The following SYT14 variants were observed in gnomAD, a reference collection of about 807,000 sequenced individuals.
SYT14 encodes synaptotagmin-14.
In SYT14, 32 loss-of-function variants were observed where a neutral mutation model predicts 74.2. The ratio of observed to expected loss-of-function variants is 0.43; its 90% CI spans 0.33 to 0.58. The LOEUF (loss-of-function observed/expected upper bound fraction) is 0.58, where lower values mean the gene tolerates loss of function less well. Among genes scored for constraint, SYT14 ranks in the 20% least tolerant of loss-of-function variants. SYT14 has a pLI of 0.05. For synonymous variants in SYT14, 298 were observed against 337.7 expected, an observed-to-expected ratio of 0.88 and a Z score of 1.29; for missense variants, 791 against 981.8, an observed-to-expected ratio of 0.81 and a Z score of 2.60.
intron 2 of SYT14, among the ~76,000 whole-genome samples, chr1:209,963,073 A>C (rs577031062): frequency 6.6e-6 from 1 of 152,294 alleles, no homozygotes; most frequent in African/African-American, 2.4e-5. Flanking sequence ...GAAATGGAAC[A>C]GAAGTTCATT....
At chr1:210,162,032 A>G (rs1465372667) in exon 10 of SYT14, 2 of 448,932 alleles carry the variant, frequency 4.5e-6, no homozygotes, top group Admixed American at 4.8e-5. Context: ...AGCAGGTAGC[A>G]TTCAAAATAA....
intron 1 of SYT14, among the ~76,000 whole-genome samples, chr1:209,941,953 T>C (rs1273533830): frequency 6.6e-6 from 1 of 152,200 alleles, no homozygotes; most frequent in Non-Finnish European, 1.5e-5. Flanking sequence ...ATACCTACTA[T>C]AATGTAAATG....
At chr1:210,052,603 A>G (rs565658986) in intron 5 of SYT14, among the ~76,000 whole-genome samples, 6 of 143,954 alleles carry the variant, frequency 4.2e-5, no homozygotes, top group Non-Finnish European at 7.5e-5. Flanking sequence ...CGGAGATTGC[A>G]GTGAACTGAG....
intron 2 of SYT14, among the ~76,000 whole-genome samples, chr1:210,002,696 A>G (rs1023129937): frequency 7.9e-5 from 12 of 152,146 alleles, no homozygotes; most frequent in Admixed American, 5.2e-4. Flanking sequence ...TACATAACAA[A>G]GTTGAACACC....
At chr1:210,104,340 C>G (rs972175297) in intron 7 of SYT14, among the ~76,000 whole-genome samples, 1 of 152,182 alleles carries the variant, frequency 6.6e-6, no homozygotes, top group Non-Finnish European at 1.5e-5. Context: ...TTATTCATCC[C>G]TAGTCCTTTA....
At position 210,169,221 on chromosome 1, in the gene SYT14, G is replaced by GTTTTGTTTT. The variant is rs2083492384; in HGVS notation, c.*8183_*8184insGTTTTTTTT. The GTTTTGTTTT allele has an allele frequency of 3.5e-3, 178 of 50,228 alleles. 14 individuals carry two copies. The highest frequency in any genetic ancestry group is 8.2e-3 in the African/African-American group (106 of 12,852). 3.1% of individuals were successfully genotyped at this position (50,228 alleles called of 1,614,324 possible). On this transcript the variant is annotated 3_prime_UTR_variant, in exon 10 of 10. Transcript: ENST00000637265. ...CTTTTTTGGTTTTTATGTTTTTGGT[G>GTTTTGTTTT]TTTTTTTTTTTTTTTTTTTTTTTTT... is the stretch of plus-strand genomic sequence containing the variant.
intron 5 of SYT14, among the ~76,000 whole-genome samples, chr1:210,091,351 A>C (rs1304440064): frequency 1.3e-5 from 2 of 152,256 alleles, no homozygotes; most frequent in Admixed American, 1.3e-4. Context: ...AAGGATTATT[A>C]TATTGAGGAA....
intron 5 of SYT14, among the ~76,000 whole-genome samples, chr1:210,032,834 A>T (rs17318612): frequency 0.23 from 34,319 of 151,710 alleles, 4,160 homozygotes; most frequent in Middle Eastern, 0.3. Flanking sequence ...CATGTTTTCC[A>T]TTCTACTAAT....
chr1:210,014,711 T>C (rs1024023076), intron 3 of SYT14, among the ~76,000 whole-genome samples: 4 of 152,112 alleles, frequency 2.6e-5, no homozygotes, highest in African/African-American at 9.6e-5. Context: ...ATAAATAGTA[T>C]TTTATACAGT....
At chr1:210,009,914 ACCTCAACTCTTCTTCTTTCTTAT>A (rs1401047546) in intron 2 of SYT14, among the ~76,000 whole-genome samples, 26 of 151,782 alleles carry the variant, frequency 1.7e-4, no homozygotes, top group East Asian at 3.9e-4. Context: ...TTTAGAATTA[ACCTCAACTCTTCTTCTTTCTTAT>A]CCTCAACTCT....
intron 2 of SYT14, among the ~76,000 whole-genome samples, chr1:209,976,365 A>G (rs1347668936): frequency 1.4e-5 from 2 of 142,248 alleles, no homozygotes; most frequent in Non-Finnish European, 3.1e-5. Flanking sequence ...CCCTCTCCAC[A>G]CTGCTTTGAA....
chr1:210,069,557 C>T (rs1029532337), intron 5 of SYT14, among the ~76,000 whole-genome samples: 2 of 151,796 alleles, frequency 1.3e-5, no homozygotes, highest in African/African-American at 4.8e-5. Flanking sequence ...ATTTATGTCT[C>T]TTCAGAGAGG....
intron 1 of SYT14, among the ~76,000 whole-genome samples, chr1:209,951,623 C>T (rs927017335): frequency 3.9e-5 from 6 of 152,156 alleles, no homozygotes; most frequent in African/African-American, 7.2e-5. Context: ...AAGGCACGCA[C>T]AGCACACATG....
chr1:210,025,192 C>T (rs913555817), intron 5 of SYT14, among the ~76,000 whole-genome samples: 1 of 152,206 alleles, frequency 6.6e-6, no homozygotes, highest in Non-Finnish European at 1.5e-5. Flanking sequence ...GCGTCTCCAC[C>T]TGGTGGTTGC....
intron 5 of SYT14, among the ~76,000 whole-genome samples, chr1:210,042,511 T>G (rs183513069): frequency 1.3e-5 from 2 of 152,372 alleles, no homozygotes; most frequent in East Asian, 3.9e-4. Context: ...TTTAAATCTT[T>G]AATCCATCTT....
At chr1:210,118,763 C>G (rs2102603071) in intron 7 of SYT14, among the ~76,000 whole-genome samples, 1 of 152,144 alleles carries the variant, frequency 6.6e-6, no homozygotes, top group Middle Eastern at 3.4e-3. Flanking sequence ...ATAGTTGTAT[C>G]CACTGTGTTT....
chr1:210,092,512 C>CA (rs1296154465), intron 5 of SYT14, among the ~76,000 whole-genome samples: 3 of 152,186 alleles, frequency 2.0e-5, no homozygotes, highest in Non-Finnish European at 2.9e-5. Flanking sequence ...GGAGTCAAGT[C>CA]AGTCTGCCAG....
At chr1:210,013,528 AT>A in intron 2 of SYT14, 104 bp from the exon 3 acceptor site, 1 of 1,118,928 alleles carries the variant, frequency 8.9e-7, no homozygotes, top group Non-Finnish European at 1.3e-6. Context: ...ATTAAAAAAT[AT>A]AATTCAAATA....
chr1:210,013,589 A>G lies in SYT14; in HGVS notation c.-485-44A>G, dbSNP rs374231190. 53 of 1,582,050 alleles carry G rather than the reference A, an allele frequency of 3.4e-5. No individual in the cohort carries two copies. The African/African-American group carries it at 5.9e-4, about 18-fold the overall frequency. On this transcript the variant is annotated intron_variant, in intron 2 of 9. Coordinates refer to ENST00000637265, the Ensembl canonical transcript of SYT14. ...GGGGTTTCCTTCTTATTTGTAGCTT[A>G]AAGAAAAATAAATGCTTACAGCTGT...
Sources: gnomAD v4.1 joint callset for allele counts (sites outside exome capture counted in the v4.1 genomes callset) on GRCh38, gnomAD v4.1.1 for gene constraint, MANE v1.5 for transcripts, NCBI Gene and HGNC (gene_info 2026-07-23, HGNC 2026-07-21) for gene names.